EYS: variants seen among roughly 807,000 people sequenced by gnomAD.
EYS encodes protein eyes shut homolog.
EYS carries 250 observed loss-of-function variants against 282.1 expected under a neutral mutation model. The observed-to-expected ratio is 0.89, with a 90% CI of 0.80 to 0.98. The LOEUF (loss-of-function observed/expected upper bound fraction) is 0.98, where lower values mean the gene tolerates loss of function less well. EYS is among the 50% of genes least tolerant of loss of function. The probability of loss-of-function intolerance (pLI) is 0.00; values close to 1 mark genes in which losing one functional copy is unlikely to be tolerated. For missense variants in EYS, 4,016 were observed against 3,709.0 expected (o/e 1.08, Z -2.15); for synonymous variants, 1,355 against 1,282.9 (o/e 1.06, Z -1.20).
At chr6:64,629,078 G>T (rs1582971721) in intron 22 of EYS, among the ~76,000 whole-genome samples, 1 of 152,076 alleles carries the variant, frequency 6.6e-6, no homozygotes, top group African/African-American at 2.4e-5. Flanking sequence ...CCATTTAGTT[G>T]CATATCTCCT....
chr6:64,425,542 T>C (rs953920962), intron 28 of EYS, among the ~76,000 whole-genome samples: 1 of 150,878 alleles, frequency 6.6e-6, no homozygotes, highest in African/African-American at 2.4e-5. Flanking sequence ...TAATCCCAGC[T>C]ACTTGAGAGG....
intron 12 of EYS, among the ~76,000 whole-genome samples, chr6:65,137,025 A>G (rs1776040833): frequency 6.6e-6 from 1 of 152,082 alleles, no homozygotes; most frequent in South Asian, 2.1e-4. Flanking sequence ...ATTGAGTACT[A>G]AATGTATGCA....
At chr6:63,974,907 T>G (rs1417566250) in intron 35 of EYS, among the ~76,000 whole-genome samples, 1 of 152,034 alleles carries the variant, frequency 6.6e-6, no homozygotes, top group Non-Finnish European at 1.5e-5. Flanking sequence ...AAAATCAATT[T>G]AAACTGCATT....
intron 19 of EYS, among the ~76,000 whole-genome samples, chr6:64,884,924 G>A (rs1767041263): frequency 6.6e-6 from 1 of 151,618 alleles, no homozygotes; most frequent in Non-Finnish European, 1.5e-5. Context: ...GGTTTTGATT[G>A]TTATTCTAAA....
intron 40 of EYS, among the ~76,000 whole-genome samples, chr6:63,770,840 G>C (rs1466248039): frequency 2.0e-5 from 3 of 152,118 alleles, no homozygotes; most frequent in East Asian, 3.9e-4. Context: ...TCGTACACTG[G>C]AATGTGATGG....
chr6:65,622,468 ATAG>A (rs1301712392), intron 2 of EYS, among the ~76,000 whole-genome samples: 3 of 152,056 alleles, frequency 2.0e-5, no homozygotes, highest in Admixed American at 6.6e-5. Context: ...TATTAAAATA[ATAG>A]TAGTAGCTAC....
chr6:64,849,147 AC>A (rs2150040440), intron 19 of EYS, among the ~76,000 whole-genome samples: 1 of 152,158 alleles, frequency 6.6e-6, no homozygotes, highest in South Asian at 2.1e-4. Context: ...GGGTCACAAT[AC>A]ATTTAAAAAC....
chr6:64,218,914 C>T (rs1051801122), intron 31 of EYS, among the ~76,000 whole-genome samples: 2 of 152,164 alleles, frequency 1.3e-5, no homozygotes, highest in African/African-American at 2.4e-5. Flanking sequence ...CTAGAAATAA[C>T]CTTGTCTAAT....
chr6:64,180,314 C>T (rs1023257172), intron 31 of EYS, among the ~76,000 whole-genome samples: 1 of 152,120 alleles, frequency 6.6e-6, no homozygotes, highest in African/African-American at 2.4e-5. Flanking sequence ...GTGTAATCCT[C>T]CATTGTATTA....
At chr6:64,756,009 G>A (rs530233803) in intron 22 of EYS, among the ~76,000 whole-genome samples, 2 of 152,044 alleles carry the variant, frequency 1.3e-5, no homozygotes, top group Non-Finnish European at 2.9e-5. Context: ...CACTTACATT[G>A]AGACTTGTTC....
Position 65,612,140 on chromosome 6 carries a change from T to C in EYS, c.-333+27638A>G, listed in dbSNP as rs1443816367. Among the ~76,000 whole-genome samples the C allele has an allele frequency of 2.0e-5, 3 of 151,508 alleles. No homozygotes were observed. In the East Asian group the frequency reaches 5.8e-4, roughly 29 times the overall value. ...GCATTTTAGACAGCTAACAGGATGT[T>C]AAAACAATTAATATAACGGTGCTTG... On this transcript the variant is annotated intron_variant, in intron 2 of 42. Coordinates refer to ENST00000503581, the MANE Select transcript of EYS (RefSeq NM_001142800.2).
At chr6:64,829,432 C>T (rs1427797522) in intron 19 of EYS, among the ~76,000 whole-genome samples, 6 of 152,004 alleles carry the variant, frequency 3.9e-5, no homozygotes, top group Non-Finnish European at 8.8e-5. Context: ...CCACTACACA[C>T]TTAATGGTCA....
intron 35 of EYS, among the ~76,000 whole-genome samples, chr6:63,979,884 A>G (rs1274961539): frequency 6.6e-6 from 1 of 151,916 alleles, no homozygotes; most frequent in Non-Finnish European, 1.5e-5. Context: ...GTGTGATGGT[A>G]CTCAAAGCAG....
At chr6:64,297,929 G>T (rs891753799) in intron 30 of EYS, among the ~76,000 whole-genome samples, 2 of 139,566 alleles carry the variant, frequency 1.4e-5, no homozygotes, top group African/African-American at 2.7e-5. Context: ...AGTGAGCCAA[G>T]ATAGTGCCAC....
At position 65,349,048 on chromosome 6, in the gene EYS, C is replaced by A. The variant is rs1462679887; in HGVS notation, c.1459+4410G>T. Among the ~76,000 whole-genome samples the A allele has an allele frequency of 2.6e-5, 4 of 151,506 alleles. No individual in the cohort carries two copies. In the Admixed American group the frequency reaches 2.6e-4, roughly 10 times the overall value. The stretch of plus-strand genomic sequence containing the variant: ...AGAATGTTTAAAGGTATAAACAAGT[C>A]GAATTTTTTTTCAGATGGCTATCCA... On this transcript the variant is annotated intron_variant, in intron 9 of 42. Coordinates refer to ENST00000503581, the MANE Select transcript of EYS (RefSeq NM_001142800.2).
At chr6:65,519,708 A>ATATATATATATATATTTTTTTTT (rs1554205854) in intron 2 of EYS, among the ~76,000 whole-genome samples, 1 of 42,562 alleles carries the variant, frequency 2.3e-5, no homozygotes, top group African/African-American at 1.3e-4. Flanking sequence ...ATATATATAT[A>ATATATATATATATATTTTTTTTT]TTTTTTTTTT....
At chr6:64,367,204 A>C (rs1027934763) in intron 29 of EYS, among the ~76,000 whole-genome samples, 2 of 152,058 alleles carry the variant, frequency 1.3e-5, no homozygotes, top group Non-Finnish European at 1.5e-5. Context: ...TGAATATATT[A>C]AGTATGCTTT....
intron 2 of EYS, among the ~76,000 whole-genome samples, chr6:65,573,012 G>T (rs2127354036): frequency 6.6e-6 from 1 of 152,178 alleles, no homozygotes; most frequent in African/African-American, 2.4e-5. Flanking sequence ...AGCTCTTAAA[G>T]ATCTAATATG....
intron 35 of EYS, among the ~76,000 whole-genome samples, chr6:63,964,186 A>T (rs1387842475): frequency 6.6e-6 from 1 of 152,200 alleles, no homozygotes; most frequent in African/African-American, 2.4e-5. Flanking sequence ...AGCTGGGATG[A>T]ACTTATGTTC....
Sources: allele counts gnomAD v4.1 joint callset (sites outside exome capture counted in the v4.1 genomes callset), GRCh38; gene constraint gnomAD v4.1.1; transcripts MANE v1.5; gene names NCBI Gene and HGNC (gene_info 2026-07-23, HGNC 2026-07-21).